Variants in TBXAS1 observed in about 807,000 individuals in gnomAD.
The protein encoded by TBXAS1 is thromboxane-A synthase.
Under a neutral mutation model 60.7 loss-of-function variants are expected in TBXAS1, and 48 were observed. The ratio of observed to expected loss-of-function variants is 0.79; its 90% CI spans 0.63 to 1.01. The LOEUF (loss-of-function observed/expected upper bound fraction) is 1.01, where lower values mean the gene tolerates loss of function less well. Ranked by LOEUF, TBXAS1 falls within the 50% of genes least tolerant of loss-of-function variation. The pLI is 0.00. For missense variants in TBXAS1, 685 were observed against 686.3 expected (o/e 1.00, Z 0.02); for synonymous variants, 287 against 269.7 (o/e 1.06, Z -0.63).
chr7:139,883,654 A>C (rs1802863894), intron 3 of TBXAS1, among the ~76,000 whole-genome samples: 2 of 152,258 alleles, frequency 1.3e-5, no homozygotes, highest in South Asian at 4.1e-4. Context: ...ACCTTAATGG[A>C]TTTAGGCCAA....
intron 9 of TBXAS1, among the ~76,000 whole-genome samples, chr7:140,003,123 TCAA>T (rs1437947370): frequency 1.8e-4 from 21 of 119,426 alleles, no homozygotes; most frequent in Non-Finnish European, 2.3e-4. Context: ...AAACTCCGTC[TCAA>T]AAAAAAAAAA....
intron 1 of TBXAS1, among the ~76,000 whole-genome samples, chr7:139,845,079 T>C (rs1318050371): frequency 6.6e-6 from 1 of 152,124 alleles, no homozygotes; most frequent in Non-Finnish European, 1.5e-5. Flanking sequence ...CTCCCAAGTG[T>C]TCCTCTCTCT....
rs368640887 is a variant in TBXAS1 at position 139,927,774 on chromosome 7, T to C, written c.334-8417T>C. Among the ~76,000 whole-genome samples, 70 of 152,280 alleles carry C rather than the reference T, an allele frequency of 4.6e-4. 1 individual carries two copies. The South Asian group carries it at 9.7e-3, about 21-fold the overall frequency. On this transcript the variant is annotated intron_variant, in intron 4 of 12. Transcript: ENST00000448866. Reference sequence around the variant, plus strand: ...TAGGTATTTAATAGTTTTACTGTTATTGTAAGTTATATTTTTAAAATTTCA... The same window carrying C: ...TAGGTATTTAATAGTTTTACTGTTACTGTAAGTTATATTTTTAAAATTTCA...
At chr7:139,789,185 A>T (rs371751999) in intron 4 of TBXAS1, 1 of 152,188 alleles carries the variant, frequency 6.6e-6, no homozygotes, top group African/African-American at 2.4e-5. Flanking sequence ...GAAGTTATAG[A>T]AAATGCTTAT....
At chr7:140,001,632 A>AC (rs1047396337) in intron 9 of TBXAS1, among the ~76,000 whole-genome samples, 18 of 151,924 alleles carry the variant, frequency 1.2e-4, no homozygotes, top group African/African-American at 3.9e-4. Flanking sequence ...CTCAAGTGAC[A>AC]CCCCCTGCCT....
At chr7:139,815,999 G>C (rs1798137169) in intron 4 of TBXAS1, among the ~76,000 whole-genome samples, 1 of 152,194 alleles carries the variant, frequency 6.6e-6, no homozygotes, top group Non-Finnish European at 1.5e-5. Context: ...CTTGTCAAGG[G>C]AGGGATCTGG....
At chr7:139,997,550 AT>A (rs1813383771) in intron 9 of TBXAS1, among the ~76,000 whole-genome samples, 1 of 151,856 alleles carries the variant, frequency 6.6e-6, no homozygotes, top group South Asian at 2.1e-4. Flanking sequence ...ATTTGTTCCT[AT>A]TTCCCCCTCC....
At chr7:139,899,781 C>G (rs746291524) in intron 3 of TBXAS1, among the ~76,000 whole-genome samples, 1 of 152,170 alleles carries the variant, frequency 6.6e-6, no homozygotes, top group African/African-American at 2.4e-5. Flanking sequence ...GTCTGCACAG[C>G]TGGGAGCCTG....
chr7:139,888,962 A>G (rs1187755230), intron 3 of TBXAS1, among the ~76,000 whole-genome samples: 1 of 151,976 alleles, frequency 6.6e-6, no homozygotes, highest in Non-Finnish European at 1.5e-5. Context: ...AAACATTCTG[A>G]TAGCACAGGT....
chr7:139,966,882 C>T (rs768220437), intron 9 of TBXAS1, among the ~76,000 whole-genome samples: 1 of 152,208 alleles, frequency 6.6e-6, no homozygotes, highest in Non-Finnish European at 1.5e-5. Context: ...CTCCCCCACC[C>T]CTGCTGGGCC....
chr7:139,901,535 G>A (rs551603146), intron 3 of TBXAS1, among the ~76,000 whole-genome samples: 1 of 152,154 alleles, frequency 6.6e-6, no homozygotes, highest in Non-Finnish European at 1.5e-5. Flanking sequence ...TAAGAATTTA[G>A]GGAAATGAGA....
intron 1 of TBXAS1, among the ~76,000 whole-genome samples, chr7:139,849,973 C>T (rs1585627157): frequency 6.6e-6 from 1 of 152,280 alleles, no homozygotes; most frequent in East Asian, 1.9e-4. Flanking sequence ...TTTAAATATT[C>T]TCATGGGTGC....
intron 12 of TBXAS1, among the ~76,000 whole-genome samples, chr7:140,018,562 CCCA>C (rs1815286270): frequency 6.6e-6 from 1 of 152,156 alleles, no homozygotes; most frequent in African/African-American, 2.4e-5. Context: ...CTATCTCCCC[CCCA>C]CATCACACAC....
chr7:139,886,754 C>A (rs1803143330), intron 3 of TBXAS1, among the ~76,000 whole-genome samples: 1 of 152,116 alleles, frequency 6.6e-6, no homozygotes, highest in African/African-American at 2.4e-5. Flanking sequence ...TTGCTTGTAA[C>A]TCTTCAAGTT....
intron 9 of TBXAS1, among the ~76,000 whole-genome samples, chr7:140,006,248 C>A (rs1243676424): frequency 6.6e-6 from 1 of 152,190 alleles, no homozygotes; most frequent in Admixed American, 6.5e-5. Context: ...ACTGGCAGAG[C>A]AGCAAATAAG....
chr7:139,850,093 T>C (rs1181671222), intron 1 of TBXAS1, among the ~76,000 whole-genome samples: 3 of 152,196 alleles, frequency 2.0e-5, no homozygotes, highest in African/African-American at 7.2e-5. Flanking sequence ...TATCCATGTA[T>C]CACAAGGGCT....
At chr7:140,008,502 C>G (rs1165961046) in intron 10 of TBXAS1, among the ~76,000 whole-genome samples, 1 of 141,226 alleles carries the variant, frequency 7.1e-6, no homozygotes, top group East Asian at 2.2e-4. Context: ...GGCTGGAGGG[C>G]AATGGTGTGA....
At chr7:140,007,670 C>T (rs1270247674) in intron 10 of TBXAS1, among the ~76,000 whole-genome samples, 4 of 152,108 alleles carry the variant, frequency 2.6e-5, no homozygotes, top group Non-Finnish European at 4.4e-5. Flanking sequence ...TCCAACACCC[C>T]CAGCTGTCCC....
At chr7:139,805,774 CTT>C (rs1298695543) in intron 4 of TBXAS1, among the ~76,000 whole-genome samples, 2 of 114,902 alleles carry the variant, frequency 1.7e-5, no homozygotes, top group Non-Finnish European at 1.9e-5. Flanking sequence ...TTTCTTTCTT[CTT>C]TTTTTTTTTT....
Sources: allele counts gnomAD v4.1 joint callset (sites outside exome capture counted in the v4.1 genomes callset), GRCh38; gene constraint gnomAD v4.1.1; transcripts MANE v1.5; gene names NCBI Gene and HGNC (gene_info 2026-07-23, HGNC 2026-07-21).